Variants in PCDH9 observed in about 807,000 individuals in gnomAD.
PCDH9 encodes protocadherin 9.
PCDH9 carries 24 observed loss-of-function variants against 70.6 expected under a neutral mutation model. The observed-to-expected ratio is 0.34, with a 90% CI of 0.25 to 0.48. The LOEUF (loss-of-function observed/expected upper bound fraction) is 0.48. PCDH9 is among the 20% of genes least tolerant of loss of function. The pLI is 0.99. For synonymous variants in PCDH9, 562 were observed against 558.5 expected (o/e 1.01, Z -0.09); for missense variants, 1,281 against 1,503.6 (o/e 0.85, Z 2.45).
intron 4 of PCDH9, among the ~76,000 whole-genome samples, chr13:66,616,484 C>CTTTGT (rs2077357445): frequency 8.6e-6 from 1 of 116,696 alleles, no homozygotes; most frequent in South Asian, 3.1e-4. Context: ...TTCTAAAATT[C>CTTTGT]TTTTTTTTTT....
chr13:66,866,016 T>C (rs1056481786), intron 3 of PCDH9, among the ~76,000 whole-genome samples: 3 of 152,192 alleles, frequency 2.0e-5, no homozygotes, highest in African/African-American at 4.8e-5. Flanking sequence ...AAATTGTGAA[T>C]AGAAGCTGTG....
intron 3 of PCDH9, among the ~76,000 whole-genome samples, chr13:66,775,542 TCTC>T (rs2079877091): frequency 1.3e-5 from 2 of 152,096 alleles, no homozygotes; most frequent in Admixed American, 6.6e-5. Context: ...TCCTCTTTCT[TCTC>T]CTCCTCAGCC....
intron 2 of PCDH9, among the ~76,000 whole-genome samples, chr13:66,919,371 T>C (rs2082604721): frequency 6.6e-6 from 1 of 151,312 alleles, no homozygotes; most frequent in Non-Finnish European, 1.5e-5. Context: ...CCCCTTGGCA[T>C]CTGAAGCAAA....
chr13:67,220,646 A>C (rs1217015467), intron 2 of PCDH9: 1 of 152,074 alleles, frequency 6.6e-6, no homozygotes, highest in Non-Finnish European at 1.5e-5. Flanking sequence ...GAAACTAAGG[A>C]GAACATTAAT....
chr13:67,133,388 AT>A (rs891677743), intron 2 of PCDH9, among the ~76,000 whole-genome samples: 4 of 152,146 alleles, frequency 2.6e-5, no homozygotes, highest in African/African-American at 9.7e-5. Context: ...TCCTTTAAAA[AT>A]TGTGAATTTC....
intron 2 of PCDH9, among the ~76,000 whole-genome samples, chr13:66,974,258 C>T (rs1168422852): frequency 1.3e-5 from 2 of 151,918 alleles, no homozygotes; most frequent in Non-Finnish European, 2.9e-5. Flanking sequence ...AGGGAGTGTG[C>T]CCCCAACTTT....
rs934128777 is a variant in PCDH9 at position 66,557,521 on chromosome 13, T to C, written c.3340+73689A>G. ...TATGCTTCTCATCTGCTCATAAATA[T>C]AGAAATCATCATGTACATAATTACA... On this transcript the variant is annotated intron_variant, in intron 4 of 4. Transcript: ENST00000377865. Among the ~76,000 whole-genome samples, 4 of 152,232 alleles carry C rather than the reference T, an allele frequency of 2.6e-5. No homozygotes were observed. The South Asian group carries it at 8.3e-4, about 32-fold the overall frequency.
chr13:67,154,024 T>C (rs2987328), intron 2 of PCDH9, among the ~76,000 whole-genome samples: 4,615 of 152,158 alleles, frequency 0.03, 223 homozygotes, highest in African/African-American at 0.1. Context: ...AATTGGTGAA[T>C]TGAACTGAAG....
chr13:66,718,276 A>G (rs2078897193), intron 3 of PCDH9, among the ~76,000 whole-genome samples: 1 of 152,208 alleles, frequency 6.6e-6, no homozygotes, highest in East Asian at 1.9e-4. Flanking sequence ...TATATAGAAC[A>G]CTTTATAAGG....
chr13:67,158,728 G>T (rs1054930522), intron 2 of PCDH9, among the ~76,000 whole-genome samples: 4 of 152,278 alleles, frequency 2.6e-5, no homozygotes, highest in Admixed American at 2.6e-4. Context: ...TGTTATGGCA[G>T]CCCAAACTGA....
At chr13:66,419,051 T>C (rs1411366489) in intron 4 of PCDH9, among the ~76,000 whole-genome samples, 2 of 152,002 alleles carry the variant, frequency 1.3e-5, no homozygotes, top group African/African-American at 4.8e-5. Flanking sequence ...AGAAGTTGAA[T>C]CCCTGAACAG....
At chr13:67,161,024 C>T (rs2087944188) in intron 2 of PCDH9, among the ~76,000 whole-genome samples, 1 of 152,110 alleles carries the variant, frequency 6.6e-6, no homozygotes, top group Admixed American at 6.5e-5. Flanking sequence ...GTAGGTAGAG[C>T]GATTCTCAGG....
At chr13:66,714,289 C>A (rs1025605562) in intron 3 of PCDH9, among the ~76,000 whole-genome samples, 7 of 151,818 alleles carry the variant, frequency 4.6e-5, no homozygotes, top group Non-Finnish European at 1.0e-4. Flanking sequence ...CACTGTGAAA[C>A]CCCATCTCCA....
At chr13:66,822,818 A>G (rs1369670998) in intron 3 of PCDH9, among the ~76,000 whole-genome samples, 1 of 152,058 alleles carries the variant, frequency 6.6e-6, no homozygotes, top group Non-Finnish European at 1.5e-5. Context: ...GATATTCTGG[A>G]TCTTTAAAAT....
intron 3 of PCDH9, among the ~76,000 whole-genome samples, chr13:66,658,001 G>A (rs1282263731): frequency 6.6e-6 from 1 of 152,088 alleles, no homozygotes; most frequent in Non-Finnish European, 1.5e-5. Flanking sequence ...TATTTACATA[G>A]CATTTAAATT....
chr13:66,772,241 G>A lies in PCDH9; in HGVS notation c.3138+131263C>T, dbSNP rs1594038335. On this transcript the variant is annotated intron_variant, in intron 3 of 4. Transcript: ENST00000377865. ...ATTTGCTCTAGCAATCATCCTGTGT[G>A]CCTCAAGACACCTGCAGTAGGAGAA... 3.9e-5 allele frequency among the ~76,000 whole-genome samples: 6 copies of A among 152,256 alleles called. No individual in the cohort carries two copies. The East Asian group carries it at 1.2e-3, about 29-fold the overall frequency.
chr13:67,019,217 G>A (rs1310630700), intron 2 of PCDH9, among the ~76,000 whole-genome samples: 2 of 107,852 alleles, frequency 1.9e-5, no homozygotes, highest in African/African-American at 6.8e-5. Flanking sequence ...TTTCTGAGAT[G>A]GAGTCTTGCT....
At chr13:66,598,903 T>G (rs745643384) in intron 4 of PCDH9, among the ~76,000 whole-genome samples, 4 of 151,850 alleles carry the variant, frequency 2.6e-5, no homozygotes, top group Non-Finnish European at 5.9e-5. Flanking sequence ...GTACAGTGTA[T>G]CCGTAAAACT....
chr13:66,391,883 C>CATATATATATATATATATATATATAT (rs140840857), intron 4 of PCDH9, among the ~76,000 whole-genome samples: 16 of 143,252 alleles, frequency 1.1e-4, no homozygotes, highest in African/African-American at 3.3e-4. Flanking sequence ...GCCATATATG[C>CATATATATATATATATATATATATAT]ATATATATAT....
Sources: allele counts gnomAD v4.1 joint callset (sites outside exome capture counted in the v4.1 genomes callset), GRCh38; gene constraint gnomAD v4.1.1; transcripts MANE v1.5; gene names NCBI Gene and HGNC (gene_info 2026-07-23, HGNC 2026-07-21).